The following ESF1 variants were observed in gnomAD, a reference collection of about 807,000 sequenced individuals.
ESF1 encodes the protein ESF1 nucleolar pre-rRNA processing protein.
ESF1 carries 58 observed loss-of-function variants against 92.0 expected under a neutral mutation model. The observed-to-expected ratio is 0.63, with a 90% CI of 0.51 to 0.78. The LOEUF (loss-of-function observed/expected upper bound fraction) is 0.78. Ranked by LOEUF, ESF1 falls within the 30% of genes least tolerant of loss-of-function variation. The pLI is 0.00. For synonymous variants in ESF1, 321 were observed against 313.7 expected (o/e 1.02, Z -0.24); for missense variants, 922 against 989.1 (o/e 0.93, Z 0.91).
At chr20:13,730,187 C>T (rs926502847) in intron 10 of ESF1, among the ~76,000 whole-genome samples, 2 of 152,076 alleles carry the variant, frequency 1.3e-5, no homozygotes, top group African/African-American at 4.8e-5. Context: ...ATTCGCCTAC[C>T]TCAGCCTCCC....
intron 10 of ESF1, among the ~76,000 whole-genome samples, chr20:13,730,186 C>A (rs980731234): frequency 1.3e-5 from 2 of 151,898 alleles, no homozygotes; most frequent in Non-Finnish European, 2.9e-5. Context: ...GATTCGCCTA[C>A]CTCAGCCTCC....
At chr20:13,764,407 C>CTGTA (rs1487482251) in intron 8 of ESF1, among the ~76,000 whole-genome samples, 1 of 152,138 alleles carries the variant, frequency 6.6e-6, no homozygotes, top group African/African-American at 2.4e-5. Flanking sequence ...GGCTTTATGT[C>CTGTA]TACAAAGTGA....
rs2049990318 is a variant in ESF1 at position 13,738,414 on chromosome 20, A to G, written c.1829-4572T>C. The stretch of plus-strand genomic sequence containing the variant: ...CTGCAGCCTAGATGTCCCAGGCTCA[A>G]GCAATCTTCCCACCTCAGCCTCCTG... On this transcript the variant is annotated intron_variant, in intron 9 of 13. Transcript: ENST00000617257. 2.0e-5 allele frequency among the ~76,000 whole-genome samples: 3 copies of G among 151,974 alleles called. No individual in the cohort carries two copies. In the South Asian group the frequency reaches 6.2e-4, roughly 32 times the overall value.
In ESF1 at chr20:13,766,836, A is replaced by G. The variant is rs778273457; in HGVS notation, c.1607T>C (p.Phe536Ser). The change falls in exon 8 of 14, where the codon TTT becomes TCT. Residue 536 changes from phenylalanine to serine, a missense_variant. Transcript: ENST00000617257. ...ACTAGAGGAAGCTAAGTAGGCTTGA[A>G]AATCCATGTCCAAAAGCTCTTCCTT... ...FKKEELLDMD[F>S]QAYLASSSED... The G allele has an allele frequency of 1.9e-6, 3 of 1,613,868 alleles. No individual in the cohort carries two copies. Among genetic ancestry groups the G allele is most frequent in the Non-Finnish European group, 2.5e-6 (3 of 1,179,918 alleles).
chr20:13,763,195 A>G (rs956586510), intron 8 of ESF1, among the ~76,000 whole-genome samples: 3 of 152,162 alleles, frequency 2.0e-5, no homozygotes, highest in African/African-American at 7.2e-5. Context: ...AAAATACAAG[A>G]TACAAGGTAC....
At chr20:13,773,804 A>G (rs1437129738) in intron 4 of ESF1, among the ~76,000 whole-genome samples, 2 of 152,146 alleles carry the variant, frequency 1.3e-5, no homozygotes, top group Non-Finnish European at 2.9e-5. Flanking sequence ...AAAGTTTATT[A>G]GCTAGTCTAG....
chr20:13,751,676 T>C (rs1436549423), intron 9 of ESF1, among the ~76,000 whole-genome samples: 1 of 152,224 alleles, frequency 6.6e-6, no homozygotes, highest in East Asian at 1.9e-4. Context: ...TTGAGTTAAA[T>C]CTTTTTAAAA....
chr20:13,781,494 A>C (rs560582591), intron 2 of ESF1, among the ~76,000 whole-genome samples: 1 of 152,272 alleles, frequency 6.6e-6, no homozygotes, highest in Admixed American at 6.5e-5. Context: ...CACTGCACAA[A>C]GTTTAGCAGG....
intron 11 of ESF1, 45 bp from the exon 12 acceptor site, chr20:13,719,029 A>G: frequency 1.4e-6 from 2 of 1,382,266 alleles, no homozygotes; most frequent in South Asian, 2.6e-5. Flanking sequence ...TTACAGGACT[A>G]TCAGCAACAT....
In ESF1 at chr20:13,783,801, G is replaced by T. The variant is rs539090657; in HGVS notation, c.-43-618C>A. On this transcript the variant is annotated intron_variant, in intron 1 of 13. Coordinates refer to ENST00000617257, the MANE Select transcript of ESF1 (RefSeq NM_001276380.2). ...AGCACACCAGCTGGGGCAACAGAGTGAGACCCTGTCTACCAAAAAAAAGTA... is the reference window on the plus strand; with the variant it reads ...AGCACACCAGCTGGGGCAACAGAGTTAGACCCTGTCTACCAAAAAAAAGTA... 1.3e-4 allele frequency among the ~76,000 whole-genome samples: 20 copies of T among 152,292 alleles called. 1 individual carries two copies. The South Asian group carries it at 3.5e-3, about 27-fold the overall frequency.
chr20:13,735,852 GTCTCTT>G (rs2049972244), intron 9 of ESF1, among the ~76,000 whole-genome samples: 1 of 152,090 alleles, frequency 6.6e-6, no homozygotes, highest in African/African-American at 2.4e-5. Flanking sequence ...CTATGTTGTT[GTCTCTT>G]AGGTGACTAG....
Position 13,714,963 on chromosome 20 carries a change from A to C in ESF1, c.2467T>G (p.Ser823Ala), listed in dbSNP as rs1417617718. The change falls in exon 14 of 14, where the codon TCC (serine) becomes GCC (alanine). Residue 823 changes from serine (S) to alanine (A), a missense_variant. Ser to Ala is a moderately conservative substitution (Grantham distance 99). Transcript: ENST00000617257. ...SEIEKESQRK[S>A]IDPALSMLIK... is the part of the protein sequence containing the mutation. ...AACATTGACAAAGCAGGATCAATGG[A>C]CTTCCTTTGTGATTCCTTTTCAATC... 6.2e-7 allele frequency: 1 copy of C among 1,613,826 alleles called. No homozygotes were observed. Among genetic ancestry groups the C allele is most frequent in the East Asian group, 2.2e-5 (1 of 44,880 alleles).
At chr20:13,759,955 G>A in intron 8 of ESF1, 102 bp from the exon 9 acceptor site, 1 of 1,418,768 alleles carries the variant, frequency 7.0e-7, no homozygotes, top group Non-Finnish European at 9.1e-7. Context: ...TTAGACCACA[G>A]GATATCAAAA....
At position 13,782,535 on chromosome 20, in the gene ESF1, C is replaced by T; in HGVS notation, c.606G>A (p.Glu202=). 6.4e-7 allele frequency: 1 copy of T among 1,556,868 alleles called. No individual in the cohort carries two copies. The highest frequency in any genetic ancestry group is 8.6e-7 in the Non-Finnish European group (1 of 1,162,282). The part of the protein sequence containing the change: ...TSEIVKSPRI[E]CSKTRREMQS... The stretch of plus-strand genomic sequence containing the variant: ...GCATTTCTCTTCTTGTCTTAGAACA[C>T]TCGATTCTGGGAGATTTCACAATTT... Residue 202 remains glutamate, a synonymous_variant, in exon 2 of 14, where the codon GAG becomes GAA. Transcript: ENST00000617257.
At chr20:13,761,598 A>G (rs937132330) in intron 8 of ESF1, among the ~76,000 whole-genome samples, 8 of 152,066 alleles carry the variant, frequency 5.3e-5, no homozygotes, top group Non-Finnish European at 1.0e-4. Context: ...ACCTAAGAAT[A>G]CTGGAACCTT....
intron 9 of ESF1, among the ~76,000 whole-genome samples, chr20:13,743,451 C>T (rs867116386): frequency 3.3e-5 from 5 of 152,056 alleles, no homozygotes; most frequent in African/African-American, 4.8e-5. Context: ...CAGCATTATT[C>T]GCAATAACCA....
At chr20:13,750,223 G>A (rs146653209) in intron 9 of ESF1, among the ~76,000 whole-genome samples, 23 of 152,292 alleles carry the variant, frequency 1.5e-4, no homozygotes, top group Admixed American at 3.3e-4. Flanking sequence ...GCCCTATCCA[G>A]GCTGGGCCCA....
At chr20:13,715,279 A>G in intron 13 of ESF1, 112 bp from the exon 14 acceptor site, 1 of 1,058,378 alleles carries the variant, frequency 9.4e-7, no homozygotes, top group East Asian at 2.7e-5. Flanking sequence ...TATATAAAAT[A>G]CAAACCTGAG....
chr20:13,781,249 T>G (rs1328212787), intron 2 of ESF1, among the ~76,000 whole-genome samples: 1 of 152,188 alleles, frequency 6.6e-6, no homozygotes, highest in Non-Finnish European at 1.5e-5. Flanking sequence ...AAATGCGTTT[T>G]GTCTAACTTG....
Sources: allele counts gnomAD v4.1 joint callset (sites outside exome capture counted in the v4.1 genomes callset), GRCh38; gene constraint gnomAD v4.1.1; transcripts MANE v1.5; gene names NCBI Gene and HGNC (gene_info 2026-07-23, HGNC 2026-07-21).